The following FAM168A variants were observed in gnomAD, a reference collection of about 807,000 sequenced individuals.
FAM168A encodes the protein family with sequence similarity 168 member A, also known as protein FAM168A.
FAM168A carries 3 observed loss-of-function variants against 28.5 expected under a neutral mutation model. That is an observed-to-expected ratio of 0.11 (90% CI 0.05 to 0.27). The LOEUF (loss-of-function observed/expected upper bound fraction) is 0.27, where lower values mean the gene tolerates loss of function less well. FAM168A is among the 10% of genes least tolerant of loss of function. The probability of loss-of-function intolerance (pLI) is 1.00; values close to 1 mark genes in which losing one functional copy is unlikely to be tolerated. For synonymous variants in FAM168A, 122 were observed against 124.2 expected (o/e 0.98, Z 0.12); for missense variants, 222 against 311.5 (o/e 0.71, Z 2.16).
rs760727436 is a variant in FAM168A at position 73,430,819 on chromosome 11, A to C, written c.71-49T>G. ...TATTTAGTTAGGCAAAAAAAACAAAACAAAACAAAACAAAACAAAAAAACA... is the reference window on the plus strand; with the variant it reads ...TATTTAGTTAGGCAAAAAAAACAAACCAAAACAAAACAAAACAAAAAAACA... On this transcript the variant is annotated intron_variant, in intron 2 of 7. Coordinates refer to ENST00000356467, the MANE Select transcript of FAM168A (RefSeq NM_015159.3). 17 of 1,380,624 alleles carry C rather than the reference A, an allele frequency of 1.2e-5. No individual in the cohort carries two copies. The African/African-American group carries it at 1.9e-4, about 15-fold the overall frequency. 85.5% of individuals were successfully genotyped at this position (1,380,624 alleles called of 1,614,324 possible).
At chr11:73,529,190 C>T (rs1269369467) in intron 1 of FAM168A, among the ~76,000 whole-genome samples, 1 of 152,172 alleles carries the variant, frequency 6.6e-6, no homozygotes, top group African/African-American at 2.4e-5. Context: ...AAATCACTTC[C>T]ACAGATTTCT....
intron 1 of FAM168A, among the ~76,000 whole-genome samples, chr11:73,508,550 T>C (rs984632219): frequency 6.6e-6 from 1 of 152,090 alleles, no homozygotes; most frequent in Non-Finnish European, 1.5e-5. Flanking sequence ...CGTGCGTGCA[T>C]GCGTGGGTGC....
At chr11:73,589,496 A>G (rs75134970) in intron 1 of FAM168A, among the ~76,000 whole-genome samples, 9 of 141,800 alleles carry the variant, frequency 6.3e-5, no homozygotes, top group Non-Finnish European at 1.1e-4. Context: ...TGATAAGCTG[A>G]AAAAAAAAAA....
At chr11:73,483,849 C>T (rs114569171) in intron 1 of FAM168A, among the ~76,000 whole-genome samples, 1,632 of 152,218 alleles carry the variant, frequency 0.011, 33 homozygotes, top group African/African-American at 0.038. Flanking sequence ...AACTAATTAC[C>T]CACCAACCAT....
intron 1 of FAM168A, among the ~76,000 whole-genome samples, chr11:73,530,356 G>A (rs1438212415): frequency 1.3e-5 from 2 of 152,166 alleles, no homozygotes; most frequent in Non-Finnish European, 2.9e-5. Flanking sequence ...AGGTTCTGCC[G>A]ATAGAGGGTG....
chr11:73,450,046 C>T (rs1482185211), intron 2 of FAM168A, among the ~76,000 whole-genome samples: 1 of 152,154 alleles, frequency 6.6e-6, no homozygotes, highest in South Asian at 2.1e-4. Flanking sequence ...ATTTTAGGGG[C>T]CAATTATTTA....
At chr11:73,438,572 G>T (rs1265516613) in intron 2 of FAM168A, among the ~76,000 whole-genome samples, 1 of 152,192 alleles carries the variant, frequency 6.6e-6, no homozygotes, top group Admixed American at 6.5e-5. Flanking sequence ...TGGGGGACAG[G>T]CTGTGAAGGG....
chr11:73,473,072 T>C (rs1186002780), intron 1 of FAM168A, among the ~76,000 whole-genome samples: 2 of 152,120 alleles, frequency 1.3e-5, no homozygotes, highest in Non-Finnish European at 2.9e-5. Context: ...GCAGCTACCA[T>C]TTACTGAACA....
intron 1 of FAM168A, among the ~76,000 whole-genome samples, chr11:73,528,440 T>A (rs1309728798): frequency 6.6e-6 from 1 of 152,144 alleles, no homozygotes; most frequent in Non-Finnish European, 1.5e-5. Flanking sequence ...TCGTGAAAAA[T>A]ATAGTAATTA....
intron 3 of FAM168A, chr11:73,424,915 A>C: frequency 3.2e-6 from 3 of 949,298 alleles, no homozygotes. Context: ...GGGGGAGCCC[A>C]AGCCTAGGGG....
intron 1 of FAM168A, among the ~76,000 whole-genome samples, chr11:73,544,670 A>G (rs570029902): frequency 3.9e-4 from 49 of 125,092 alleles, no homozygotes; most frequent in African/African-American, 1.2e-3. Context: ...TATATTATAT[A>G]TAATTATATA....
chr11:73,567,280 A>T (rs943547253), intron 1 of FAM168A, among the ~76,000 whole-genome samples: 5 of 152,202 alleles, frequency 3.3e-5, no homozygotes, highest in African/African-American at 1.2e-4. Flanking sequence ...TGACTGAGAA[A>T]ATGGTGATGT....
intron 1 of FAM168A, among the ~76,000 whole-genome samples, chr11:73,479,964 C>A (rs963312663): frequency 2.6e-5 from 4 of 152,142 alleles, no homozygotes; most frequent in African/African-American, 7.2e-5. Flanking sequence ...TTTCTTAATT[C>A]TATCAATACG....
At chr11:73,590,882 C>T (rs939630339) in intron 1 of FAM168A, among the ~76,000 whole-genome samples, 30 of 152,168 alleles carry the variant, frequency 2.0e-4, no homozygotes, top group South Asian at 4.1e-4. Flanking sequence ...CAGGCTCACG[C>T]CTGTAATCCC....
intron 2 of FAM168A, among the ~76,000 whole-genome samples, chr11:73,454,259 G>C (rs932384286): frequency 2.0e-5 from 3 of 152,124 alleles, no homozygotes; most frequent in Non-Finnish European, 4.4e-5. Context: ...TAATAAAAGA[G>C]ATCTAACAAA....
rs749363209 is a variant in FAM168A at position 73,409,529 on chromosome 11, C to T, written c.553G>A (p.Ala185Thr). 149 of 1,613,922 alleles carry T rather than the reference C, an allele frequency of 9.2e-5. 1 individual carries two copies. The highest frequency in any genetic ancestry group is 3.4e-4 in the South Asian group (31 of 91,036). The change falls in exon 6 of 8, where the codon GCC becomes ACC. Residue 185 changes from alanine (A) to threonine (T), a missense_variant. Coordinates refer to ENST00000356467, the MANE Select transcript of FAM168A (RefSeq NM_015159.3). ...GTGGTGCCTGCCACCATGCCCATGG[C>T]CACACCGTTGGTCCTCGGGGCGGCA... ...PVAAPRTNGV[A>T]MGMVAGTTMA... is the part of the protein sequence containing the mutation.
chr11:73,402,272 T>C lies in FAM168A; in HGVS notation c.*4491A>G, dbSNP rs927186646. On this transcript the variant is annotated 3_prime_UTR_variant, in exon 8 of 8. Coordinates refer to ENST00000356467, the MANE Select transcript of FAM168A (RefSeq NM_015159.3). ...AAGACAAAGTTCACAGGGCCCAGAA[T>C]GGGGCCCACCCCCTCTGGGCACAGA... 6.6e-6 allele frequency: 1 copy of C among 152,186 alleles called. No individual in the cohort carries two copies. The highest frequency in any genetic ancestry group is 2.4e-5 in the African/African-American group (1 of 41,450). 9.4% of individuals were successfully genotyped at this position (152,186 alleles called of 1,614,324 possible). A position where few individuals can be genotyped will look rare whatever the true frequency, so the allele number is the denominator to read the frequency against.
At chr11:73,421,603 G>A (rs899874866) in intron 3 of FAM168A, among the ~76,000 whole-genome samples, 2 of 135,594 alleles carry the variant, frequency 1.5e-5, no homozygotes, top group Non-Finnish European at 3.0e-5. Context: ...ATCATTTTGC[G>A]TTTCTTTTCT....
intron 1 of FAM168A, among the ~76,000 whole-genome samples, chr11:73,478,836 A>AT: frequency 6.6e-6 from 1 of 152,154 alleles, no homozygotes; most frequent in South Asian, 2.1e-4. Flanking sequence ...TAACAGCAAT[A>AT]TAGTACTGTT....
Sources: allele counts gnomAD v4.1 joint callset (sites outside exome capture counted in the v4.1 genomes callset), GRCh38; gene constraint gnomAD v4.1.1; transcripts MANE v1.5; gene names NCBI Gene and HGNC (gene_info 2026-07-23, HGNC 2026-07-21).